The following PRIM2 variants were observed in gnomAD, a reference collection of about 807,000 sequenced individuals.
PRIM2 encodes DNA primase subunit 2.
Under a neutral mutation model 67.3 loss-of-function variants are expected in PRIM2, and 39 were observed. The ratio of observed to expected loss-of-function variants is 0.58; its 90% CI spans 0.45 to 0.76. The LOEUF is 0.76. Ranked by LOEUF, PRIM2 falls within the 30% of genes least tolerant of loss-of-function variation. The pLI is 0.00. For missense variants in PRIM2, 398 were observed against 598.7 expected, an observed-to-expected ratio of 0.66 and a Z score of 3.50; for synonymous variants, 143 against 198.7, an observed-to-expected ratio of 0.72 and a Z score of 2.36.
intron 7 of PRIM2, among the ~76,000 whole-genome samples, chr6:57,403,249 A>ATTTTTTT (rs71299587): frequency 9.1e-6 from 1 of 110,202 alleles, no homozygotes; most frequent in Non-Finnish European, 1.9e-5. Context: ...CAGGTGAAGA[A>ATTTTTTT]TTTTTTTTTT....
At chr6:57,397,730 C>T (rs1007700980) in intron 7 of PRIM2, among the ~76,000 whole-genome samples, 2 of 151,960 alleles carry the variant, frequency 1.3e-5, no homozygotes, top group African/African-American at 4.8e-5. Context: ...AAAAAATCAA[C>T]TCCTGGGTTT....
At chr6:57,280,520 T>C in the PRIM2 span, among the ~76,000 whole-genome samples, 1 of 152,070 alleles carries the variant, frequency 6.6e-6, no homozygotes, top group Non-Finnish European at 1.5e-5. Flanking sequence ...TCTTTCTTGT[T>C]TTTTTTTGAG....
the PRIM2 span, among the ~76,000 whole-genome samples, chr6:57,247,596 C>T: frequency 6.6e-6 from 1 of 152,144 alleles, no homozygotes; most frequent in African/African-American, 2.4e-5. Context: ...TCATTTATAG[C>T]TGCTGCAGAA....
chr6:57,401,988 C>G (rs912701042), intron 7 of PRIM2, among the ~76,000 whole-genome samples: 4 of 152,314 alleles, frequency 2.6e-5, no homozygotes, highest in African/African-American at 9.6e-5. Flanking sequence ...CCTGGTTGCT[C>G]TGTCCAGGGA....
chr6:57,306,279 C>A, the PRIM2 span, among the ~76,000 whole-genome samples: 16 of 152,190 alleles, frequency 1.1e-4, 1 homozygote, highest in East Asian at 2.7e-3. Context: ...ACTATGGTAC[C>A]CAAGTGAGAG....
chr6:57,445,756 C>T (rs1772343851), intron 7 of PRIM2, among the ~76,000 whole-genome samples: 1 of 152,164 alleles, frequency 6.6e-6, no homozygotes, highest in African/African-American at 2.4e-5. Flanking sequence ...TTTTCAGATT[C>T]CTCTCTTTAT....
Position 57,376,058 on chromosome 6 carries a change from T to C in PRIM2, c.460-3843T>C, listed in dbSNP as rs559217578. On this transcript the variant is annotated intron_variant, in intron 5 of 13. Coordinates refer to ENST00000615550, the MANE Select transcript of PRIM2 (RefSeq NM_000947.5). Reference sequence around the variant, plus strand: ...CCCATCTCTATAAGAAAAAATATAATATTAAAACAATTTAAGAATAATTAG... The same window carrying C: ...CCCATCTCTATAAGAAAAAATATAACATTAAAACAATTTAAGAATAATTAG... Among the ~76,000 whole-genome samples, 9 of 152,198 alleles carry C rather than the reference T, an allele frequency of 5.9e-5. No individual in the cohort carries two copies. In the East Asian group the frequency reaches 1.7e-3, roughly 29 times the overall value.
intron 8 of PRIM2, among the ~76,000 whole-genome samples, chr6:57,530,318 G>C (rs1434885450): frequency 6.6e-6 from 1 of 152,186 alleles, no homozygotes; most frequent in South Asian, 2.1e-4. Context: ...TGAGTCTCTG[G>C]TGGCAGCAAC....
At position 57,545,340 on chromosome 6, in the gene PRIM2, G is replaced by C. The variant is rs1357050781; in HGVS notation, c.1020+7715G>C. 2.6e-5 allele frequency among the ~76,000 whole-genome samples: 4 copies of C among 152,008 alleles called. No individual in the cohort carries two copies. The East Asian group carries it at 5.8e-4, about 22-fold the overall frequency. On this transcript the variant is annotated intron_variant, in intron 10 of 13. Coordinates refer to ENST00000615550, the MANE Select transcript of PRIM2 (RefSeq NM_000947.5). ...TGGCATAGTTCAGCCGATTTTTATT[G>C]TGTGTTTATCATGAACATATACCAT...
chr6:57,354,313 G>A (rs187878834), intron 5 of PRIM2, among the ~76,000 whole-genome samples: 2 of 152,266 alleles, frequency 1.3e-5, no homozygotes, highest in Non-Finnish European at 2.9e-5. Flanking sequence ...AGTTGAATGA[G>A]AAAACTGAAA....
intron 10 of PRIM2, among the ~76,000 whole-genome samples, chr6:57,593,234 A>G (rs1363669111): frequency 6.6e-6 from 1 of 151,972 alleles, no homozygotes; most frequent in Non-Finnish European, 1.5e-5. Context: ...GCCTTTCCCC[A>G]CACTGAATGA....
At chr6:57,362,508 T>A (rs5001966) in intron 5 of PRIM2, among the ~76,000 whole-genome samples, 2 of 152,274 alleles carry the variant, frequency 1.3e-5, no homozygotes, top group South Asian at 2.1e-4. Context: ...CTGCTTGGCT[T>A]GGAAGACTTC....
At chr6:57,506,876 A>G (rs1418466947) in intron 7 of PRIM2, among the ~76,000 whole-genome samples, 1 of 152,050 alleles carries the variant, frequency 6.6e-6, no homozygotes, top group Non-Finnish European at 1.5e-5. Flanking sequence ...CTGTATACTT[A>G]AAAGATATCC....
chr6:57,570,418 A>C (rs1208003677), intron 10 of PRIM2, among the ~76,000 whole-genome samples: 6 of 152,232 alleles, frequency 3.9e-5, no homozygotes, highest in Non-Finnish European at 8.8e-5. Flanking sequence ...GAATTAATGA[A>C]CTTGATTATA....
chr6:57,629,890 C>T lies in PRIM2; in HGVS notation c.1231-2243C>T, dbSNP rs1250924099. On this transcript the variant is annotated intron_variant, in intron 12 of 13. Coordinates refer to ENST00000615550, the MANE Select transcript of PRIM2 (RefSeq NM_000947.5). ...ATAATCTGAAATGAAACTATATATT[C>T]ATTAGTTGGATTTTTTGGAGTAATG... Among the ~76,000 whole-genome samples the T allele has an allele frequency of 9.1e-4, 137 of 151,264 alleles. 7 individuals are homozygous for T. Among genetic ancestry groups the T allele is most frequent in the Non-Finnish European group, 4.4e-5 (3 of 67,880 alleles).
chr6:57,390,908 G>A (rs952395953), intron 7 of PRIM2, among the ~76,000 whole-genome samples: 1 of 152,142 alleles, frequency 6.6e-6, no homozygotes, highest in African/African-American at 2.4e-5. Flanking sequence ...ACCCAGTAAC[G>A]GGATTGCAAG....
intron 3 of PRIM2, among the ~76,000 whole-genome samples, chr6:57,322,100 G>A (rs763966281): frequency 5.3e-5 from 8 of 152,168 alleles, no homozygotes; most frequent in Non-Finnish European, 1.2e-4. Flanking sequence ...TTTTTAAAAT[G>A]TGTAGCTGAA....
the PRIM2 span, among the ~76,000 whole-genome samples, chr6:57,258,487 T>A: frequency 2.6e-5 from 4 of 152,184 alleles, no homozygotes; most frequent in Admixed American, 2.6e-4. Flanking sequence ...CCAACCACCC[T>A]GCCAAAACTT....
At chr6:57,320,697 G>A (rs777599937) in intron 3 of PRIM2, 137 bp downstream of exon 3, 2 of 560,970 alleles carry the variant, frequency 3.6e-6, no homozygotes, top group Non-Finnish European at 6.3e-6. Context: ...GTTCTTCAGT[G>A]TATTAGGGGT....
Sources: gnomAD v4.1 joint callset for allele counts (sites outside exome capture counted in the v4.1 genomes callset) on GRCh38, gnomAD v4.1.1 for gene constraint, MANE v1.5 for transcripts, NCBI Gene and HGNC (gene_info 2026-07-23, HGNC 2026-07-21) for gene names.